CABLES1: variants seen among roughly 807,000 people sequenced by gnomAD.
CABLES1 encodes the protein CDK5 and ABL1 enzyme substrate 1.
In CABLES1, 36 loss-of-function variants were observed where a neutral mutation model predicts 57.8. That is an observed-to-expected ratio of 0.62 (90% CI 0.48 to 0.82). The LOEUF (loss-of-function observed/expected upper bound fraction) is 0.82, where lower values mean the gene tolerates loss of function less well. Ranked by LOEUF, CABLES1 falls within the 40% of genes least tolerant of loss-of-function variation. The pLI, the probability that CABLES1 is intolerant of heterozygous loss-of-function variation, is 0.00. For synonymous variants in CABLES1, 374 were observed against 363.0 expected, an observed-to-expected ratio of 1.03 and a Z score of -0.35; for missense variants, 767 against 836.6, an observed-to-expected ratio of 0.92 and a Z score of 1.03.
At chr18:23,193,246 C>T (rs1239398752) in intron 2 of CABLES1, among the ~76,000 whole-genome samples, 7 of 150,432 alleles carry the variant, frequency 4.7e-5, no homozygotes, top group African/African-American at 1.5e-4. Context: ...GGCTGGAGCA[C>T]AGTGGCACGA....
intron 7 of CABLES1, among the ~76,000 whole-genome samples, chr18:23,250,668 T>C (rs1197589000): frequency 6.6e-6 from 1 of 152,146 alleles, no homozygotes; most frequent in Non-Finnish European, 1.5e-5. Flanking sequence ...GCTGCCCCTT[T>C]CCTGGTCCTT....
intron 4 of CABLES1, among the ~76,000 whole-genome samples, chr18:23,217,135 G>A (rs1335351131): frequency 6.6e-6 from 1 of 152,106 alleles, no homozygotes; most frequent in East Asian, 1.9e-4. Context: ...AGGCTGGAAT[G>A]CAGTGGCACA....
chr18:23,251,479 T>C (rs1246958680), intron 7 of CABLES1, among the ~76,000 whole-genome samples: 1 of 151,786 alleles, frequency 6.6e-6, no homozygotes, highest in African/African-American at 2.4e-5. Context: ...TTATGGCGTG[T>C]AGTCAGCCAA....
intron 3 of CABLES1, among the ~76,000 whole-genome samples, chr18:23,212,871 C>G (rs1598832936): frequency 6.6e-6 from 1 of 152,154 alleles, no homozygotes; most frequent in Non-Finnish European, 1.5e-5. Context: ...TTGGGTGTTT[C>G]AAGGTGGGGC....
chr18:23,241,515 C>T (rs896930566), intron 7 of CABLES1, among the ~76,000 whole-genome samples: 4 of 151,984 alleles, frequency 2.6e-5, no homozygotes, highest in Non-Finnish European at 5.9e-5. Flanking sequence ...GGGCGACAAG[C>T]GAAACTACGT....
intron 4 of CABLES1, among the ~76,000 whole-genome samples, chr18:23,223,409 C>A (rs961795051): frequency 2.6e-5 from 4 of 151,930 alleles, no homozygotes; most frequent in African/African-American, 9.7e-5. Context: ...GAAACCCCGT[C>A]TCTACTAAAA....
chr18:23,214,009 G>A lies in CABLES1; in HGVS notation c.1043G>A (p.Cys348Tyr), dbSNP rs953770873. 1 of 1,612,996 alleles carries A rather than the reference G, an allele frequency of 6.2e-7. No individual in the cohort carries two copies. The highest frequency in any genetic ancestry group is 8.5e-7 in the Non-Finnish European group (1 of 1,179,368). Residue 348 changes from cysteine (C) to tyrosine (Y), a missense_variant, in exon 4 of 10, where the codon TGT becomes TAT. By Grantham distance (194) the Cys-to-Tyr change is radical. Coordinates refer to ENST00000256925, the MANE Select transcript of CABLES1 (RefSeq NM_001100619.3). ...CTTATCAGTGGCAGAAGATCCTTCTGTAGTATATTTTCAGTGCTGCCGTAT... is the reference window on the plus strand; with the variant it reads ...CTTATCAGTGGCAGAAGATCCTTCTATAGTATATTTTCAGTGCTGCCGTAT... Reference protein sequence around the residue: ...IVLISGRRSFCSIFSVLPYRD... With the variant: ...IVLISGRRSFYSIFSVLPYRD...
intron 1 of CABLES1, among the ~76,000 whole-genome samples, chr18:23,160,914 T>TC (rs1216302822): frequency 6.6e-6 from 1 of 152,120 alleles, no homozygotes; most frequent in Non-Finnish European, 1.5e-5. Flanking sequence ...ATGCCTGTAG[T>TC]CCCAGCTACT....
At position 23,135,757 on chromosome 18, in the gene CABLES1, G is replaced by A; in HGVS notation, c.-6G>A. On this transcript the variant is annotated 5_prime_UTR_variant, in exon 1 of 10. Coordinates refer to ENST00000256925, the MANE Select transcript of CABLES1 (RefSeq NM_001100619.3). ...CATCGCGGAAATCCCGCCGCAGACG[G>A]ACACAATGGCGGCGGCGGCGGCGGC... 2 of 987,778 alleles carry A rather than the reference G, an allele frequency of 2.0e-6. No homozygotes were observed. The highest frequency in any genetic ancestry group is 2.4e-6 in the Non-Finnish European group (2 of 833,058). The allele number at this position is 987,778 out of a possible 1,614,324, so 61.2% of individuals were successfully genotyped here. A position where few individuals can be genotyped will look rare whatever the true frequency, so the allele number is the denominator to read the frequency against.
At chr18:23,173,024 G>T (rs1466457323) in intron 1 of CABLES1, among the ~76,000 whole-genome samples, 1 of 152,208 alleles carries the variant, frequency 6.6e-6, no homozygotes, top group Non-Finnish European at 1.5e-5. Context: ...GAGATGGGAG[G>T]TTATGGAAAT....
intron 3 of CABLES1, among the ~76,000 whole-genome samples, chr18:23,196,645 G>GC (rs1237754517): frequency 6.6e-6 from 1 of 152,214 alleles, no homozygotes; most frequent in Non-Finnish European, 1.5e-5. Flanking sequence ...CGTTGGGTGA[G>GC]CCCAGTCCCT....
At chr18:23,257,134 C>T in intron 9 of CABLES1, 93 bp from the exon 10 acceptor site, 1 of 1,428,062 alleles carries the variant, frequency 7.0e-7, no homozygotes, top group Non-Finnish European at 9.7e-7. Context: ...CTCCTGAGCA[C>T]TCACTGGCTG....
Position 23,258,286 on chromosome 18 carries a change from G to A in CABLES1, c.*919G>A, listed in dbSNP as rs1284470849. On this transcript the variant is annotated 3_prime_UTR_variant, in exon 10 of 10. Coordinates refer to ENST00000256925, the MANE Select transcript of CABLES1 (RefSeq NM_001100619.3). ...GTGTATTCCTGTCCTCTATGTTAGA[G>A]TGCATCAGAAGCACATTTACTGTGC... 1 of 152,640 alleles carries A rather than the reference G, an allele frequency of 6.6e-6. No homozygotes were observed. The highest frequency in any genetic ancestry group is 1.5e-5 in the Non-Finnish European group (1 of 68,050). The allele number at this position is 152,640 out of a possible 1,614,324, so 9.5% of individuals were successfully genotyped here.
intron 3 of CABLES1, among the ~76,000 whole-genome samples, chr18:23,211,911 G>T (rs759746497): frequency 5.9e-5 from 9 of 152,264 alleles, no homozygotes; most frequent in Non-Finnish European, 1.3e-4. Flanking sequence ...CTGGTGTTCA[G>T]CAGGGTGTGC....
intron 1 of CABLES1, among the ~76,000 whole-genome samples, chr18:23,174,673 C>T (rs898873796): frequency 6.6e-6 from 1 of 151,558 alleles, no homozygotes; most frequent in Non-Finnish European, 1.5e-5. Context: ...AGGATTTCAC[C>T]ATGTTAGCCA....
intron 3 of CABLES1, among the ~76,000 whole-genome samples, chr18:23,213,609 C>T (rs955907465): frequency 6.6e-6 from 1 of 152,178 alleles, no homozygotes; most frequent in African/African-American, 2.4e-5. Flanking sequence ...AAATAGAAAT[C>T]AATGGTTTAA....
At chr18:23,157,727 G>A (rs952173302) in intron 1 of CABLES1, among the ~76,000 whole-genome samples, 1 of 152,144 alleles carries the variant, frequency 6.6e-6, no homozygotes, top group African/African-American at 2.4e-5. Context: ...TAGTAGCCAG[G>A]CATAGTGACA....
chr18:23,241,936 C>T (rs2047746156), intron 7 of CABLES1, among the ~76,000 whole-genome samples: 1 of 152,130 alleles, frequency 6.6e-6, no homozygotes, highest in Non-Finnish European at 1.5e-5. Context: ...AAGTCACTCC[C>T]ACTGTTACCT....
intron 7 of CABLES1, among the ~76,000 whole-genome samples, chr18:23,248,930 G>A (rs2047970730): frequency 1.3e-5 from 2 of 152,268 alleles, no homozygotes; most frequent in Non-Finnish European, 2.9e-5. Flanking sequence ...TGATCCACAA[G>A]CCACACTGTA....
Sources: gnomAD v4.1 joint callset for allele counts (sites outside exome capture counted in the v4.1 genomes callset) on GRCh38, gnomAD v4.1.1 for gene constraint, MANE v1.5 for transcripts, NCBI Gene and HGNC (gene_info 2026-07-23, HGNC 2026-07-21) for gene names.